SP4: variants seen among roughly 807,000 people sequenced by gnomAD.
SP4 encodes Sp4 transcription factor, also known as transcription factor Sp4.
Under a neutral mutation model 72.8 loss-of-function variants are expected in SP4, and 19 were observed. That is an observed-to-expected ratio of 0.26 (90% confidence interval 0.18 to 0.38). SP4 has a LOEUF of 0.38. Among genes scored for constraint, SP4 ranks in the 10% least tolerant of loss-of-function variants. SP4 has a pLI of 1.00. For synonymous variants in SP4, 395 were observed against 333.1 expected (o/e 1.19, Z -2.02); for missense variants, 1,008 against 926.3 (o/e 1.09, Z -1.14).
Position 21,512,099 on chromosome 7 carries a change from G to A in SP4, c.*830G>A, listed in dbSNP as rs546861600. ...AGGATTGATTATATTCCTAACCCTA[G>A]GTTGAACCACAAAATTTCATTTAAA... is the stretch of plus-strand genomic sequence containing the variant. On this transcript the variant is annotated 3_prime_UTR_variant, in exon 6 of 6. Transcript: ENST00000222584. 1 of 152,646 alleles carries A rather than the reference G, an allele frequency of 6.6e-6. No homozygotes were observed. Among genetic ancestry groups the A allele is most frequent in the South Asian group, 2.1e-4 (1 of 4,828 alleles). The allele number at this position is 152,646 out of a possible 1,614,324, so 9.5% of individuals were successfully genotyped here.
chr7:21,436,554 C>G (rs553295043), intron 3 of SP4, among the ~76,000 whole-genome samples: 2 of 152,226 alleles, frequency 1.3e-5, no homozygotes, highest in South Asian at 4.1e-4. Context: ...AGATTCTGCA[C>G]TGCTACATTA....
chr7:21,433,617 A>T (rs768823831), intron 3 of SP4, among the ~76,000 whole-genome samples: 2 of 152,190 alleles, frequency 1.3e-5, no homozygotes, highest in Non-Finnish European at 2.9e-5. Flanking sequence ...CTTTGTTTTC[A>T]TTAATTTCTT....
intron 3 of SP4, among the ~76,000 whole-genome samples, chr7:21,465,735 A>G (rs1052218190): frequency 6.6e-6 from 1 of 152,136 alleles, no homozygotes; most frequent in Non-Finnish European, 1.5e-5. Flanking sequence ...GTATGGTGGC[A>G]CTTGCCTGTT....
chr7:21,455,805 T>C lies in SP4; in HGVS notation c.1679-21274T>C, dbSNP rs528226899. 2.6e-5 allele frequency among the ~76,000 whole-genome samples: 4 copies of C among 152,316 alleles called. No homozygotes were observed. In the East Asian group the frequency reaches 7.7e-4, roughly 29 times the overall value. On this transcript the variant is annotated intron_variant, in intron 3 of 5. Transcript: ENST00000222584. ...CTTGGGCCAGCCTATATCTTTGTCT[T>C]CATAACCTTAGAGTGACTCTCACTT...
intron 3 of SP4, among the ~76,000 whole-genome samples, chr7:21,470,204 C>T (rs191906059): frequency 1.8e-4 from 28 of 152,300 alleles, no homozygotes; most frequent in Admixed American, 3.9e-4. Flanking sequence ...GATTATCATT[C>T]GCTTTATTTA....
intron 3 of SP4, among the ~76,000 whole-genome samples, chr7:21,466,554 G>C (rs987988707): frequency 1.3e-5 from 2 of 152,090 alleles, no homozygotes; most frequent in Non-Finnish European, 2.9e-5. Flanking sequence ...CTAAACTGTT[G>C]CGCCTGTTCA....
intron 3 of SP4, among the ~76,000 whole-genome samples, chr7:21,448,942 A>G (rs1783505049): frequency 6.6e-6 from 1 of 152,112 alleles, no homozygotes; most frequent in South Asian, 2.1e-4. Flanking sequence ...TTATGCTTTG[A>G]CATCTGAGGT....
chr7:21,446,537 C>G (rs1007726209), intron 3 of SP4, among the ~76,000 whole-genome samples: 1 of 150,874 alleles, frequency 6.6e-6, no homozygotes, highest in Non-Finnish European at 1.5e-5. Context: ...TGGTTTTTTT[C>G]TTTTGTACAG....
rs555724294 is a variant in SP4, at chr7:21,484,483, G to A, written c.2107+2360G>A. Reference sequence around the variant, plus strand: ...GATGCTCACCCTGTGTTAGTATAGCGTCGCAATCCCTGAAAAAGTTAGCAT... The same window carrying A: ...GATGCTCACCCTGTGTTAGTATAGCATCGCAATCCCTGAAAAAGTTAGCAT... On this transcript the variant is annotated intron_variant, in intron 5 of 5. Coordinates refer to ENST00000222584, the MANE Select transcript of SP4 (RefSeq NM_003112.5). 2.0e-5 allele frequency among the ~76,000 whole-genome samples: 3 copies of A among 151,892 alleles called. No homozygotes were observed. The South Asian group carries it at 6.2e-4, about 31-fold the overall frequency.
chr7:21,480,697 T>A (rs79986995), intron 4 of SP4, among the ~76,000 whole-genome samples: 4,078 of 152,310 alleles, frequency 0.027, 103 homozygotes, highest in East Asian at 0.079. Context: ...TTTCTGACCC[T>A]AAGAAGGTTC....
intron 5 of SP4, among the ~76,000 whole-genome samples, chr7:21,490,454 GT>G (rs1784945735): frequency 6.6e-6 from 1 of 152,148 alleles, no homozygotes; most frequent in Non-Finnish European, 1.5e-5. Context: ...AATAGAGTCT[GT>G]TTTCCAAGAA....
At chr7:21,462,309 T>G (rs1784020904) in intron 3 of SP4, among the ~76,000 whole-genome samples, 1 of 152,076 alleles carries the variant, frequency 6.6e-6, no homozygotes, top group Non-Finnish European at 1.5e-5. Context: ...GACTCAGATA[T>G]CAGTGATGGG....
chr7:21,439,107 C>A (rs891835001), intron 3 of SP4, among the ~76,000 whole-genome samples: 15 of 152,310 alleles, frequency 9.8e-5, no homozygotes, highest in African/African-American at 3.1e-4. Flanking sequence ...ACATATTCCC[C>A]CCTCTGATAA....
chr7:21,493,538 A>T (rs377143039), intron 5 of SP4, among the ~76,000 whole-genome samples: 6 of 152,316 alleles, frequency 3.9e-5, no homozygotes, highest in African/African-American at 1.4e-4. Flanking sequence ...AATAATAAAG[A>T]GTAGAAATAA....
chr7:21,457,115 A>C (rs1360964893), intron 3 of SP4, among the ~76,000 whole-genome samples: 1 of 152,246 alleles, frequency 6.6e-6, no homozygotes, highest in African/African-American at 2.4e-5. Flanking sequence ...GGGAGCCTAT[A>C]ACTTCCTAAA....
In SP4 at chr7:21,429,561, C is replaced by G. The variant is rs1202735676; in HGVS notation, c.396C>G (p.Asn132Lys). The part of the protein sequence containing the change: ...SSSSSSSSSN[N>K]GSASPTKTKS... ...CGTCTAGTTCTTCCAGCAGTAATAA[C>G]GGGAGTGCATCTCCTACAAAAACTA... is the stretch of plus-strand genomic sequence containing the variant. The change falls in exon 3 of 6, where the codon AAC becomes AAG. Residue 132 changes from asparagine to lysine, a missense_variant. By Grantham distance (94) the Asn-to-Lys change is moderately conservative. This residue lies in a region of SP4 where 893 missense variants were observed against 743.3 expected (regional missense o/e 1.20). Transcript: ENST00000222584. 1 of 1,614,118 alleles carries G rather than the reference C, an allele frequency of 6.2e-7. No individual in the cohort carries two copies. The highest frequency in any genetic ancestry group is 8.5e-7 in the Non-Finnish European group (1 of 1,179,946).
chr7:21,462,994 G>C (rs1784044129), intron 3 of SP4, among the ~76,000 whole-genome samples: 1 of 151,902 alleles, frequency 6.6e-6, no homozygotes, highest in Non-Finnish European at 1.5e-5. Flanking sequence ...TATTTCCTCA[G>C]TTGCATTAAC....
intron 5 of SP4, among the ~76,000 whole-genome samples, chr7:21,487,444 CTT>C (rs779338124): frequency 7.8e-5 from 10 of 127,680 alleles, no homozygotes; most frequent in Non-Finnish European, 1.5e-4. Context: ...CAGTTTTTCT[CTT>C]ATATCTTTTG....
At chr7:21,492,135 TATAAC>T (rs1784995309) in intron 5 of SP4, among the ~76,000 whole-genome samples, 1 of 152,148 alleles carries the variant, frequency 6.6e-6, no homozygotes, top group African/African-American at 2.4e-5. Flanking sequence ...ATATGGCCAA[TATAAC>T]AGAAAGGGAG....
Sources: allele counts gnomAD v4.1 joint callset (sites outside exome capture counted in the v4.1 genomes callset), GRCh38; gene constraint gnomAD v4.1.1; regional missense constraint gnomAD v4.1.1; transcripts MANE v1.5; gene names NCBI Gene and HGNC (gene_info 2026-07-23, HGNC 2026-07-21).